The following CD82 variants were observed in gnomAD, a reference collection of about 807,000 sequenced individuals.
The protein encoded by CD82 is CD82 molecule, also known as CD82 antigen.
CD82 carries 36 observed loss-of-function variants against 37.4 expected under a neutral mutation model. That is an observed-to-expected ratio of 0.96 (90% confidence interval 0.74 to 1.27). The LOEUF is 1.27. Among genes scored for constraint, CD82 ranks in the 50% most tolerant of loss-of-function variants. The probability of loss-of-function intolerance (pLI) is 0.00; values close to 1 mark genes in which losing one functional copy is unlikely to be tolerated. For synonymous variants in CD82, 158 were observed against 137.4 expected (o/e 1.15, Z -1.05); for missense variants, 340 against 347.0 (o/e 0.98, Z 0.16).
chr11:44,617,282 G>C (rs1287752903), intron 7 of CD82, among the ~76,000 whole-genome samples: 1 of 152,306 alleles, frequency 6.6e-6, no homozygotes, highest in Non-Finnish European at 1.5e-5. Context: ...TGACCAGCTA[G>C]CCAAGGTGGC....
In CD82 at chr11:44,619,230, C is replaced by A. The variant is rs916792094; in HGVS notation, c.*104C>A. ...CCTGCCTCCCACTTCACTGCGAAGACCCTCTTGCCCATCCTGACTGAAAGT... is the reference window on the plus strand; with the variant it reads ...CCTGCCTCCCACTTCACTGCGAAGAACCTCTTGCCCATCCTGACTGAAAGT... On this transcript the variant is annotated 3_prime_UTR_variant, in exon 10 of 10. Coordinates refer to ENST00000227155, the MANE Select transcript of CD82 (RefSeq NM_002231.4). The A allele has an allele frequency of 2.4e-5, 22 of 904,460 alleles. No individual in the cohort carries two copies. Among genetic ancestry groups the A allele is most frequent in the South Asian group, 2.4e-4 (18 of 75,006 alleles). 56.0% of individuals were successfully genotyped at this position (904,460 alleles called of 1,614,324 possible).
intron 3 of CD82, among the ~76,000 whole-genome samples, chr11:44,598,958 A>G (rs1182270266): frequency 1.3e-5 from 2 of 152,024 alleles, no homozygotes; most frequent in African/African-American, 4.8e-5. Flanking sequence ...ACACAGGGCC[A>G]CCCCCACCTC....
chr11:44,594,305 TCAAA>T (rs945592693), intron 2 of CD82, among the ~76,000 whole-genome samples: 2 of 152,150 alleles, frequency 1.3e-5, no homozygotes, highest in African/African-American at 4.8e-5. Flanking sequence ...CCCCCTGACT[TCAAA>T]CAGAGTCCAT....
intron 1 of CD82, among the ~76,000 whole-genome samples, chr11:44,586,520 G>A (rs556227095): frequency 3.9e-5 from 6 of 152,304 alleles, no homozygotes; most frequent in East Asian, 1.9e-4. Context: ...GCCAGGCATC[G>A]TGGCGTGTAC....
chr11:44,601,091 C>G (rs896412956), intron 4 of CD82, among the ~76,000 whole-genome samples: 2 of 8,772 alleles, frequency 2.3e-4, no homozygotes, highest in East Asian at 3.3e-3. Flanking sequence ...CTCAGGGGCT[C>G]CCTGTGGTGG....
intron 1 of CD82, among the ~76,000 whole-genome samples, chr11:44,569,582 A>G (rs1852786075): frequency 6.6e-6 from 1 of 151,946 alleles, no homozygotes; most frequent in South Asian, 2.1e-4. Context: ...TATCCTTTGC[A>G]AAGTAGGGCA....
chr11:44,577,913 G>T (rs1323168553), intron 1 of CD82, among the ~76,000 whole-genome samples: 1 of 152,120 alleles, frequency 6.6e-6, no homozygotes, highest in Non-Finnish European at 1.5e-5. Context: ...GCGGATAATG[G>T]GCCAAGGACT....
intron 7 of CD82, among the ~76,000 whole-genome samples, chr11:44,616,878 T>C (rs1296008592): frequency 6.6e-6 from 1 of 152,148 alleles, no homozygotes; most frequent in Non-Finnish European, 1.5e-5. Flanking sequence ...CTCATTTTGC[T>C]CTGGTGTAGG....
At chr11:44,567,968 C>CATTCTG (rs1852761196) in intron 1 of CD82, among the ~76,000 whole-genome samples, 1 of 152,166 alleles carries the variant, frequency 6.6e-6, no homozygotes, top group South Asian at 2.1e-4. Flanking sequence ...CTAGGTTGCT[C>CATTCTG]ATTCTGGCTG....
At chr11:44,592,400 T>C (rs1214841640) in intron 2 of CD82, among the ~76,000 whole-genome samples, 1 of 152,244 alleles carries the variant, frequency 6.6e-6, no homozygotes, top group Non-Finnish European at 1.5e-5. Flanking sequence ...GCTTGGGCGC[T>C]GAACCTGGTT....
intron 1 of CD82, among the ~76,000 whole-genome samples, chr11:44,581,451 G>T (rs569186463): frequency 5.9e-5 from 9 of 152,226 alleles, no homozygotes; most frequent in Non-Finnish European, 1.0e-4. Context: ...ATGCAAACAT[G>T]TTTGCGTTTG....
intron 1 of CD82, 117 bp from the exon 2 acceptor site, chr11:44,587,358 C>G: frequency 2.3e-6 from 1 of 442,900 alleles, no homozygotes; most frequent in Non-Finnish European, 4.6e-6. Flanking sequence ...AATGGCAACC[C>G]TGGCGGGGCC....
At chr11:44,616,734 G>A (rs1853569934) in intron 7 of CD82, among the ~76,000 whole-genome samples, 1 of 152,232 alleles carries the variant, frequency 6.6e-6, no homozygotes, top group African/African-American at 2.4e-5. Context: ...TGGTGGTGAT[G>A]TTTTAGTCAC....
chr11:44,618,098 C>A, intron 7 of CD82, 64 bp from the exon 8 acceptor site: 1 of 1,491,762 alleles, frequency 6.7e-7, no homozygotes, highest in Non-Finnish European at 9.3e-7. Flanking sequence ...CCTCCCTCTG[C>A]CAGGAGGGCA....
chr11:44,603,445 T>C (rs1391155864), intron 4 of CD82, among the ~76,000 whole-genome samples: 2 of 152,156 alleles, frequency 1.3e-5, no homozygotes, highest in Non-Finnish European at 2.9e-5. Context: ...CCCAGGCCTG[T>C]ATTCTCCCTG....
intron 1 of CD82, among the ~76,000 whole-genome samples, chr11:44,566,795 T>G (rs1376321067): frequency 7.5e-6 from 1 of 133,140 alleles, no homozygotes. Flanking sequence ...GGAATGAGCC[T>G]TTTTTTTTTC....
chr11:44,581,402 G>C (rs1852977247), intron 1 of CD82, among the ~76,000 whole-genome samples: 1 of 152,236 alleles, frequency 6.6e-6, no homozygotes, highest in Non-Finnish European at 1.5e-5. Context: ...GATAAACTGA[G>C]CCACGTGAAG....
At chr11:44,613,115 C>G (rs1039122136) in intron 6 of CD82, among the ~76,000 whole-genome samples, 5 of 152,212 alleles carry the variant, frequency 3.3e-5, no homozygotes, top group African/African-American at 1.2e-4. Flanking sequence ...AAGTACCTGT[C>G]TCATTTCTCC....
In CD82 at chr11:44,585,923, GA is replaced by G. The variant is rs1158822693; in HGVS notation, c.-102-1551del. Among the ~76,000 whole-genome samples, 12 of 152,312 alleles carry G rather than the reference GA, an allele frequency of 7.9e-5. No individual in the cohort carries two copies. In the East Asian group the frequency reaches 2.1e-3, roughly 27 times the overall value. On this transcript the variant is annotated intron_variant, in intron 1 of 9. Transcript: ENST00000227155. ...CTGGGGTAACAGACTGGAGTAGAGG[GA>G]GCCTTGAGGCAGTCCAGGTTGAAAG...
Sources: allele counts gnomAD v4.1 joint callset (sites outside exome capture counted in the v4.1 genomes callset), GRCh38; gene constraint gnomAD v4.1.1; transcripts MANE v1.5; gene names NCBI Gene and HGNC (gene_info 2026-07-23, HGNC 2026-07-21).